Variants in PPTC7 observed in about 807,000 individuals in gnomAD.
PPTC7 encodes protein phosphatase PTC7 homolog.
A neutral mutation model predicts 30.8 loss-of-function variants in PPTC7; 6 were observed. The ratio of observed to expected loss-of-function variants is 0.19; its 90% confidence interval spans 0.11 to 0.38. PPTC7 has a LOEUF of 0.38. Among genes scored for constraint, PPTC7 ranks in the 10% least tolerant of loss-of-function variants. PPTC7 has a pLI of 1.00. For synonymous variants in PPTC7, 163 were observed against 168.1 expected (o/e 0.97, Z 0.23); for missense variants, 218 against 404.8 (o/e 0.54, Z 3.96).
At chr12:110,574,479 T>C (rs184189292) in intron 1 of PPTC7, among the ~76,000 whole-genome samples, 8 of 152,292 alleles carry the variant, frequency 5.3e-5, no homozygotes, top group African/African-American at 1.9e-4. Flanking sequence ...AAGAAAAGCT[T>C]CTGTCCTTCC....
At chr12:110,558,920 C>A (rs1212574045) in intron 1 of PPTC7, among the ~76,000 whole-genome samples, 20 of 152,062 alleles carry the variant, frequency 1.3e-4, no homozygotes. Context: ...TTTATCTTTT[C>A]AATGGAAATG....
intron 1 of PPTC7, among the ~76,000 whole-genome samples, chr12:110,559,321 T>C (rs2064417626): frequency 1.3e-5 from 2 of 151,816 alleles, no homozygotes; most frequent in Admixed American, 6.6e-5. Flanking sequence ...CAAATCACCA[T>C]GCCTGGTTTC....
At chr12:110,552,458 C>T (rs889581201) in intron 1 of PPTC7, among the ~76,000 whole-genome samples, 1 of 152,182 alleles carries the variant, frequency 6.6e-6, no homozygotes, top group African/African-American at 2.4e-5. Flanking sequence ...TATCCCATCC[C>T]CTCTCCTTCT....
At chr12:110,558,421 T>C (rs1231026580) in intron 1 of PPTC7, among the ~76,000 whole-genome samples, 1 of 152,230 alleles carries the variant, frequency 6.6e-6, no homozygotes, top group Non-Finnish European at 1.5e-5. Flanking sequence ...GCACCGAATA[T>C]AGAAGCTATT....
chr12:110,577,561 A>G (rs961443557), intron 1 of PPTC7, among the ~76,000 whole-genome samples: 3 of 152,222 alleles, frequency 2.0e-5, no homozygotes, highest in African/African-American at 7.2e-5. Flanking sequence ...AATATAATTT[A>G]GATCTTAATT....
intron 2 of PPTC7, 24 bp downstream of exon 2, chr12:110,551,764 GA>G: frequency 1.9e-6 from 3 of 1,599,062 alleles, no homozygotes; most frequent in Non-Finnish European, 2.6e-6. Flanking sequence ...TTCTTTAGAG[GA>G]AAACACATAA....
chr12:110,545,865 G>C lies in PPTC7; in HGVS notation c.602+15C>G. ...CACGTCCTGCTCACACTTAATGGCTGAGAGGGGAGATTACCTGTCGCTCAA... is the reference window on the plus strand; with the variant it reads ...CACGTCCTGCTCACACTTAATGGCTCAGAGGGGAGATTACCTGTCGCTCAA... On this transcript the variant is annotated intron_variant, in intron 3 of 5. Coordinates refer to ENST00000354300, the MANE Select transcript of PPTC7 (RefSeq NM_139283.2). The C allele has an allele frequency of 5.0e-6, 8 of 1,612,294 alleles. No homozygotes were observed. The highest frequency in any genetic ancestry group is 6.8e-6 in the Non-Finnish European group (8 of 1,179,484).
chr12:110,552,631 G>A (rs1407976053), intron 1 of PPTC7, among the ~76,000 whole-genome samples: 5 of 152,222 alleles, frequency 3.3e-5, no homozygotes, highest in Admixed American at 6.5e-5. Flanking sequence ...CTGGGAGGCC[G>A]AGGCGGGCGG....
chr12:110,552,599 T>C (rs2064356964), intron 1 of PPTC7, among the ~76,000 whole-genome samples: 1 of 152,216 alleles, frequency 6.6e-6, no homozygotes, highest in Non-Finnish European at 1.5e-5. Context: ...GCGCGGTGGC[T>C]CACGCCTGTA....
chr12:110,548,755 C>T (rs977450561), intron 2 of PPTC7, among the ~76,000 whole-genome samples: 8 of 152,186 alleles, frequency 5.3e-5, no homozygotes, highest in African/African-American at 1.9e-4. Flanking sequence ...GACAGTAACT[C>T]GCTGAGTTGG....
chr12:110,554,131 G>A (rs1408825776), intron 1 of PPTC7, among the ~76,000 whole-genome samples: 1 of 152,196 alleles, frequency 6.6e-6, no homozygotes, highest in East Asian at 1.9e-4. Context: ...GGGATTATAA[G>A]CATCGGCCAC....
intron 3 of PPTC7, among the ~76,000 whole-genome samples, chr12:110,543,890 CACAG>C (rs1361025507): frequency 1.3e-5 from 2 of 152,216 alleles, no homozygotes; most frequent in South Asian, 2.1e-4. Context: ...CTGTCTGTCC[CACAG>C]ACAGTGTGTG....
In PPTC7 at chr12:110,580,577, T is replaced by C. The variant is rs1001843950; in HGVS notation, c.223+2232A>G. Among the ~76,000 whole-genome samples, 11 of 152,212 alleles carry C rather than the reference T, an allele frequency of 7.2e-5. No individual in the cohort carries two copies. The South Asian group carries it at 2.3e-3, about 32-fold the overall frequency. ...CTGGTCTCGAACTCCTAACCTCAGG[T>C]GATCCGCCCACCTCCGCCTCCCAAA... is the stretch of plus-strand genomic sequence containing the variant. On this transcript the variant is annotated intron_variant, in intron 1 of 5. Transcript: ENST00000354300.
At position 110,533,594 on chromosome 12, in the gene PPTC7, GTTT is replaced by G. The variant is rs988418822; in HGVS notation, c.*3440_*3442del. On this transcript the variant is annotated 3_prime_UTR_variant, in exon 6 of 6. Coordinates refer to ENST00000354300, the MANE Select transcript of PPTC7 (RefSeq NM_139283.2). The stretch of plus-strand genomic sequence containing the variant: ...TGTTTTGTTTCATAAGCAGATTTTG[GTTT>G]TTTGATACTGTAAAATTTTTAAAAT... 1.3e-5 allele frequency: 2 copies of G among 152,098 alleles called. No individual in the cohort carries two copies. The highest frequency in any genetic ancestry group is 4.8e-5 in the African/African-American group (2 of 41,410). 9.4% of individuals were successfully genotyped at this position (152,098 alleles called of 1,614,324 possible). A position where few individuals can be genotyped will look rare whatever the true frequency, so the allele number is the denominator to read the frequency against.
chr12:110,559,363 G>T (rs1243085904), intron 1 of PPTC7, among the ~76,000 whole-genome samples: 1 of 151,820 alleles, frequency 6.6e-6, no homozygotes, highest in African/African-American at 2.4e-5. Context: ...GAAGCAAAAA[G>T]AGTAATTCTG....
chr12:110,564,274 T>A (rs1331077986), intron 1 of PPTC7, among the ~76,000 whole-genome samples: 1 of 152,250 alleles, frequency 6.6e-6, no homozygotes, highest in Non-Finnish European at 1.5e-5. Flanking sequence ...GACAGGGCAC[T>A]AATTATGTTA....
At chr12:110,559,705 G>A (rs933506741) in intron 1 of PPTC7, among the ~76,000 whole-genome samples, 14 of 141,300 alleles carry the variant, frequency 9.9e-5, no homozygotes, top group Middle Eastern at 8.3e-3. Flanking sequence ...CAGCCTGGGC[G>A]ACAGAGCAAG....
At chr12:110,547,787 C>T (rs750650028) in intron 2 of PPTC7, among the ~76,000 whole-genome samples, 1 of 152,180 alleles carries the variant, frequency 6.6e-6, no homozygotes, top group African/African-American at 2.4e-5. Context: ...CACTTATTCT[C>T]TCCAGACTTG....
chr12:110,580,729 C>T (rs929384082), intron 1 of PPTC7, among the ~76,000 whole-genome samples: 3 of 151,858 alleles, frequency 2.0e-5, no homozygotes, highest in African/African-American at 7.3e-5. Context: ...ACGGATCTTT[C>T]ACAAAAGTCG....
Sources: allele counts gnomAD v4.1 joint callset (sites outside exome capture counted in the v4.1 genomes callset), GRCh38; gene constraint gnomAD v4.1.1; transcripts MANE v1.5; gene names NCBI Gene and HGNC (gene_info 2026-07-23, HGNC 2026-07-21).